MAML2: variants seen among roughly 807,000 people sequenced by gnomAD.
MAML2 encodes mastermind like transcriptional coactivator 2.
In MAML2, 22 loss-of-function variants were observed where a neutral mutation model predicts 96.1. The ratio of observed to expected loss-of-function variants is 0.23; its 90% CI spans 0.16 to 0.33. MAML2 has a LOEUF of 0.33. Among genes scored for constraint, MAML2 ranks in the 10% least tolerant of loss-of-function variants. MAML2 has a pLI of 1.00. For synonymous variants in MAML2, 561 were observed against 521.3 expected (o/e 1.08, Z -1.04); for missense variants, 1,367 against 1,392.4 (o/e 0.98, Z 0.29).
chr11:95,997,301 T>C (rs1046427530), intron 2 of MAML2, among the ~76,000 whole-genome samples: 3 of 152,132 alleles, frequency 2.0e-5, no homozygotes, highest in African/African-American at 7.2e-5. Flanking sequence ...TTTGTGAGTG[T>C]GTGTGTGCAT....
At position 96,217,631 on chromosome 11, in the gene MAML2, G is replaced by C. The variant is rs543695585; in HGVS notation, c.513+123752C>G. ...AGAATAAGACAGGACAGAGAAGCTT[G>C]TAGGAGTAGGTGAAGGTGAATAATG... On this transcript the variant is annotated intron_variant, in intron 1 of 4. Coordinates refer to ENST00000524717, the MANE Select transcript of MAML2 (RefSeq NM_032427.4). Among the ~76,000 whole-genome samples, 7 of 152,338 alleles carry C rather than the reference G, an allele frequency of 4.6e-5. No individual in the cohort carries two copies. In the South Asian group the frequency reaches 1.4e-3, roughly 32 times the overall value.
chr11:96,274,497 TTTA>T (rs1401842938), intron 1 of MAML2, among the ~76,000 whole-genome samples: 1 of 152,206 alleles, frequency 6.6e-6, no homozygotes, highest in Non-Finnish European at 1.5e-5. Context: ...ACTATAAAGT[TTTA>T]GAGTATTTCT....
rs11464319 is a variant in MAML2, at chr11:96,124,096, CAAAAAAAAAAAA to C, written c.514-30591_514-30580del. On this transcript the variant is annotated intron_variant, in intron 1 of 4. Transcript: ENST00000524717. ...ACGAGCAACGAGCAAAACTCTGTCTCAAAAAAAAAAAAAAAAAAAAAGGAGTAAACCCAGCAG... is the reference window on the plus strand; with the variant it reads ...ACGAGCAACGAGCAAAACTCTGTCTCAAAAAAAAAGGAGTAAACCCAGCAG... 6.2e-5 allele frequency among the ~76,000 whole-genome samples: 6 copies of C among 96,364 alleles called. No homozygotes were observed. The South Asian group carries it at 1.6e-3, about 26-fold the overall frequency. 63.2% of individuals were successfully genotyped at this position (96,364 alleles called of 152,430 possible).
chr11:96,098,405 A>AAC (rs1218498319), intron 1 of MAML2, among the ~76,000 whole-genome samples: 1 of 152,238 alleles, frequency 6.6e-6, no homozygotes, highest in Non-Finnish European at 1.5e-5. Flanking sequence ...CACTTTTCCC[A>AAC]CTACCTAGGT....
At chr11:96,098,389 T>C (rs1297333816) in intron 1 of MAML2, among the ~76,000 whole-genome samples, 1 of 152,216 alleles carries the variant, frequency 6.6e-6, no homozygotes, top group African/African-American at 2.4e-5. Context: ...CTACACTCAA[T>C]CTTTGCACTT....
intron 1 of MAML2, among the ~76,000 whole-genome samples, chr11:96,145,074 C>A (rs1467851308): frequency 6.6e-6 from 1 of 152,230 alleles, no homozygotes; most frequent in Non-Finnish European, 1.5e-5. Flanking sequence ...GTTTCACATG[C>A]ATTACCTCAC....
At chr11:96,026,893 T>C (rs549649817) in intron 2 of MAML2, among the ~76,000 whole-genome samples, 2 of 150,174 alleles carry the variant, frequency 1.3e-5, no homozygotes, top group East Asian at 3.9e-4. Context: ...AATAAATAAA[T>C]AAATAAATAA....
At chr11:96,190,872 G>C (rs1271573056) in intron 1 of MAML2, among the ~76,000 whole-genome samples, 1 of 152,192 alleles carries the variant, frequency 6.6e-6, no homozygotes, top group Non-Finnish European at 1.5e-5. Flanking sequence ...GGTACAGGGA[G>C]TTTTAGCTGA....
intron 1 of MAML2, among the ~76,000 whole-genome samples, chr11:96,302,403 C>G (rs1253748821): frequency 6.6e-6 from 1 of 152,182 alleles, no homozygotes; most frequent in African/African-American, 2.4e-5. Flanking sequence ...CAGTATCACC[C>G]TAATTCCCAA....
intron 1 of MAML2, among the ~76,000 whole-genome samples, chr11:96,332,981 G>T (rs948979305): frequency 1.3e-5 from 2 of 152,120 alleles, no homozygotes; most frequent in Non-Finnish European, 2.9e-5. Flanking sequence ...GGTTGTAGCC[G>T]ACTTTTGCCT....
intron 3 of MAML2, among the ~76,000 whole-genome samples, chr11:95,991,046 A>G (rs984258655): frequency 6.6e-6 from 1 of 151,972 alleles, no homozygotes; most frequent in Non-Finnish European, 1.5e-5. Flanking sequence ...TGTATTTTAC[A>G]TTTTCTTTTA....
At chr11:96,309,726 C>A (rs1459539603) in intron 1 of MAML2, among the ~76,000 whole-genome samples, 2 of 144,850 alleles carry the variant, frequency 1.4e-5, no homozygotes, top group East Asian at 2.0e-4. Flanking sequence ...GAGACAGGGT[C>A]TCACTCTGCC....
chr11:96,088,879 C>T (rs73523532), intron 2 of MAML2, among the ~76,000 whole-genome samples: 11,310 of 151,980 alleles, frequency 0.074, 1,076 homozygotes, highest in African/African-American at 0.22. Context: ...TTCAGAGTTC[C>T]GACAGGTAAA....
chr11:95,998,318 T>G (rs1858030441), intron 2 of MAML2, among the ~76,000 whole-genome samples: 1 of 152,144 alleles, frequency 6.6e-6, no homozygotes, highest in Non-Finnish European at 1.5e-5. Context: ...TACAGAAACA[T>G]TCTTGATGTA....
At chr11:96,264,488 T>C in intron 1 of MAML2, among the ~76,000 whole-genome samples, 1 of 152,236 alleles carries the variant, frequency 6.6e-6, no homozygotes, top group East Asian at 1.9e-4. Context: ...GTTCTGATTG[T>C]TAACATGTCC....
intron 1 of MAML2, among the ~76,000 whole-genome samples, chr11:96,151,567 T>C (rs1860923061): frequency 6.6e-6 from 1 of 152,216 alleles, no homozygotes; most frequent in Admixed American, 6.5e-5. Flanking sequence ...GGGATGCTCC[T>C]TCATGAATGG....
intron 1 of MAML2, among the ~76,000 whole-genome samples, chr11:96,264,161 G>T (rs1862791741): frequency 6.6e-6 from 1 of 152,120 alleles, no homozygotes. Flanking sequence ...TAACCTAACT[G>T]GGGGAGCCTA....
At chr11:96,159,142 G>C (rs1320970881) in intron 1 of MAML2, among the ~76,000 whole-genome samples, 1 of 152,088 alleles carries the variant, frequency 6.6e-6, no homozygotes, top group Non-Finnish European at 1.5e-5. Context: ...GCAGAAATAT[G>C]AAAAAGAGGA....
intron 1 of MAML2, among the ~76,000 whole-genome samples, chr11:96,146,062 C>A (rs1860813322): frequency 6.6e-6 from 1 of 152,186 alleles, no homozygotes; most frequent in South Asian, 2.1e-4. Flanking sequence ...AACATTGTGA[C>A]ATGCAGTATG....
Sources: allele counts gnomAD v4.1 joint callset (sites outside exome capture counted in the v4.1 genomes callset), GRCh38; gene constraint gnomAD v4.1.1; transcripts MANE v1.5; gene names NCBI Gene and HGNC (gene_info 2026-07-23, HGNC 2026-07-21).